HYOU1: variants seen among roughly 807,000 people sequenced by gnomAD.
The protein encoded by HYOU1 is hypoxia up-regulated protein 1.
A neutral mutation model predicts 120.5 loss-of-function variants in HYOU1; 40 were observed. That is an observed-to-expected ratio of 0.33 (90% CI 0.26 to 0.43). The LOEUF (loss-of-function observed/expected upper bound fraction) is 0.43, where lower values mean the gene tolerates loss of function less well. Among genes scored for constraint, HYOU1 ranks in the 20% least tolerant of loss-of-function variants. The probability of loss-of-function intolerance (pLI) is 1.00; values close to 1 mark genes in which losing one functional copy is unlikely to be tolerated. For synonymous variants in HYOU1, 501 were observed against 479.4 expected (o/e 1.05, Z -0.59); for missense variants, 1,085 against 1,278.3 (o/e 0.85, Z 2.31).
At position 119,051,928 on chromosome 11, in the gene HYOU1, T is replaced by C. The variant is rs2133588942; in HGVS notation, c.1229A>G (p.Asn410Ser). 4 of 1,614,140 alleles carry C rather than the reference T, an allele frequency of 2.5e-6. No individual in the cohort carries two copies. Among genetic ancestry groups the C allele is most frequent in the South Asian group, 2.2e-5 (2 of 91,090 alleles). The part of the protein sequence containing the change: ...VGKEELGKNI[N>S]ADEAAAMGAV... ...CCCCATGGCGGCTGCTTCATCTGCA[T>C]TGATGTTCTTCCCCAGCTCCTCCCT... The change falls in exon 12 of 26, where the codon AAT (asparagine) becomes AGT (serine). Residue 410 changes from asparagine (N) to serine (S), a missense_variant. Around this residue, in one of 4 missense-constraint regions of HYOU1, gnomAD observed 515 missense variants for 677.8 expected, o/e 0.76. Transcript: ENST00000617285. The surrounding 1 kb of genome is among the most constrained non-coding windows in gnomAD (Gnocchi z 4.2).
intron 7 of HYOU1, 122 bp downstream of exon 7, chr11:119,054,372 G>A: frequency 1.7e-6 from 2 of 1,198,854 alleles, no homozygotes; most frequent in Non-Finnish European, 2.4e-6. Context: ...CTGGGAGGAG[G>A]CTATTGGTGC....
chr11:119,054,201 G>A lies in HYOU1; in HGVS notation c.714C>T (p.Thr238=), dbSNP rs2133603460. The change falls in exon 8 of 26, where the codon ACC becomes ACT. Residue 238 remains threonine, a synonymous_variant. Transcript: ENST00000617285. Reference sequence around the variant, plus strand: ...TCTGGTAGGTCACAATGGTGCATACGGTGCTGCCTGAGCCCATGTCATAGA... The same window carrying A: ...TCTGGTAGGTCACAATGGTGCATACAGTGCTGCCTGAGCCCATGTCATAGA... ...IMFYDMGSGS[T]VCTIVTYQMV... is the part of the protein sequence containing the mutation. 5 of 1,613,812 alleles carry A rather than the reference G, an allele frequency of 3.1e-6. No homozygotes were observed. Among genetic ancestry groups the A allele is most frequent in the Non-Finnish European group, 4.2e-6 (5 of 1,179,842 alleles).
At position 119,051,776 on chromosome 11, in the gene HYOU1, G is replaced by T. The variant is rs2133587708; in HGVS notation, c.1338+43C>A. On this transcript the variant is annotated intron_variant, in intron 12 of 25. Coordinates refer to ENST00000617285, the MANE Select transcript of HYOU1 (RefSeq NM_006389.5). The surrounding 1 kb of genome is among the most constrained non-coding windows in gnomAD (Gnocchi z 4.2). ...ACAGAAGGGGAAACCCTACTTGGGA[G>T]AGGTAAAGGGAGCTTGTCACCTGCT... The T allele has an allele frequency of 1.2e-6, 2 of 1,610,024 alleles. No homozygotes were observed. Among genetic ancestry groups the T allele is most frequent in the East Asian group, 4.5e-5 (2 of 44,746 alleles).
Position 119,048,657 on chromosome 11 carries a change from A to T in HYOU1, c.2165+57T>A. On this transcript the variant is annotated intron_variant, in intron 18 of 25. Transcript: ENST00000617285. The surrounding 1 kb of genome is among the most constrained non-coding windows in gnomAD (Gnocchi z 4.7). ...GCCCTCCCTCCCAGGGCGCCATCCCACATCCTGCCCACCTTGCACACACAT... is the reference window on the plus strand; with the variant it reads ...GCCCTCCCTCCCAGGGCGCCATCCCTCATCCTGCCCACCTTGCACACACAT... 6.2e-7 allele frequency: 1 copy of T among 1,607,118 alleles called. No individual in the cohort carries two copies. Among genetic ancestry groups the T allele is most frequent in the Non-Finnish European group, 8.5e-7 (1 of 1,176,134 alleles).
chr11:119,045,231 C>T lies in HYOU1; in HGVS notation c.*362G>A, dbSNP rs1462620491. On this transcript the variant is annotated 3_prime_UTR_variant, in exon 26 of 26. Coordinates refer to ENST00000617285, the MANE Select transcript of HYOU1 (RefSeq NM_006389.5). ...TCACCAGAGAAGAGTGGAAACTCCC[C>T]AGCAACCTGATACCCTTCCCATCAC... The T allele has an allele frequency of 1.3e-5, 6 of 479,494 alleles. No individual in the cohort carries two copies. Among genetic ancestry groups the T allele is most frequent in the East Asian group, 6.0e-5 (1 of 16,712 alleles). The allele number at this position is 479,494 out of a possible 1,614,324, so 29.7% of individuals were successfully genotyped here.
At chr11:119,046,940 G>T in intron 22 of HYOU1, 138 bp from the exon 23 acceptor site, 1 of 1,112,878 alleles carries the variant, frequency 9.0e-7, no homozygotes, top group South Asian at 1.5e-5. Context: ...GCCCCAAGAG[G>T]CTAACAGACT....
Position 119,051,906 on chromosome 11 carries a change from C to T in HYOU1, c.1251G>A (p.Met417Ile), listed in dbSNP as rs2133588718. Reference sequence around the variant, plus strand: ...GCGCAGCTGCCTGGTACACTGCCCCCATGGCGGCTGCTTCATCTGCATTGA... The same window carrying T: ...GCGCAGCTGCCTGGTACACTGCCCCTATGGCGGCTGCTTCATCTGCATTGA... ...KNINADEAAAMGAVYQAAALS... is the reference protein window; with the variant it reads ...KNINADEAAAIGAVYQAAALS... The change falls in exon 12 of 26, where the codon ATG becomes ATA. Residue 417 changes from methionine to isoleucine, a missense_variant. By Grantham distance (10) the Met-to-Ile change is conservative. This residue lies in a region of HYOU1 where 515 missense variants were observed against 677.8 expected (regional missense o/e 0.76). Coordinates refer to ENST00000617285, the MANE Select transcript of HYOU1 (RefSeq NM_006389.5). This position sits in a 1 kb window ranked among gnomAD's most constrained non-coding sequence, Gnocchi z 4.2. The T allele has an allele frequency of 2.0e-5, 32 of 1,614,196 alleles. No homozygotes were observed. Among genetic ancestry groups the T allele is most frequent in the Non-Finnish European group, 2.6e-5 (31 of 1,180,030 alleles).
In HYOU1 at chr11:119,051,206, C is replaced by A. The variant is rs1944416651; in HGVS notation, c.1527-33G>T. The A allele has an allele frequency of 1.9e-6, 3 of 1,612,674 alleles. No individual in the cohort carries two copies. The highest frequency in any genetic ancestry group is 1.7e-5 in the Admixed American group (1 of 59,914). ...GGAAGGAAAGAGGAGTTCAGGGGGA[C>A]CCACCCCAGCCCATCTCGCCCTCTA... On this transcript the variant is annotated intron_variant, in intron 13 of 25. Transcript: ENST00000617285. This position sits in a 1 kb window ranked among gnomAD's most constrained non-coding sequence, Gnocchi z 4.2.
chr11:119,055,648 C>T lies in HYOU1; in HGVS notation c.186-77G>A. On this transcript the variant is annotated intron_variant, in intron 3 of 25. Transcript: ENST00000617285. This position sits in a 1 kb window ranked among gnomAD's most constrained non-coding sequence, Gnocchi z 4.0. ...GCCTCGACACTCACACACATTTAACCACTCAGATGCCGAAGTCTGCTGTGG... is the reference window on the plus strand; with the variant it reads ...GCCTCGACACTCACACACATTTAACTACTCAGATGCCGAAGTCTGCTGTGG... The T allele has an allele frequency of 6.7e-7, 1 of 1,500,410 alleles. No individual in the cohort carries two copies. Among genetic ancestry groups the T allele is most frequent in the South Asian group, 1.1e-5 (1 of 88,746 alleles). The allele number at this position is 1,500,410 out of a possible 1,614,324, so 92.9% of individuals were successfully genotyped here.
chr11:119,048,862 C>A lies in HYOU1; in HGVS notation c.2017G>T (p.Gly673Trp). Reference sequence around the variant, plus strand: ...GGGGCTGGAGCGACGCCCTCAGGCCCTGCCTCTGCCTTCTCACTTGGTTTC... The same window carrying A: ...GGGGCTGGAGCGACGCCCTCAGGCCATGCCTCTGCCTTCTCACTTGGTTTC... ...AQKPSEKAEA[G>W]PEGVAPAPEG... Residue 673 changes from glycine to tryptophan, a missense_variant, in exon 18 of 26, where the codon GGG (glycine) becomes TGG (tryptophan). Physicochemically the swap from Gly to Trp is radical, Grantham distance 184. This residue lies in a region of HYOU1 where 516 missense variants were observed against 517.1 expected (regional missense o/e 1.00). Transcript: ENST00000617285. The surrounding 1 kb of genome is among the most constrained non-coding windows in gnomAD (Gnocchi z 4.7). The A allele has an allele frequency of 6.2e-7, 1 of 1,608,942 alleles. No homozygotes were observed. Among genetic ancestry groups the A allele is most frequent in the Non-Finnish European group, 8.5e-7 (1 of 1,177,996 alleles).
chr11:119,049,442 T>C (rs1042299761), intron 16 of HYOU1, 114 bp downstream of exon 16: 18 of 1,564,660 alleles, frequency 1.2e-5, no homozygotes, highest in Non-Finnish European at 1.4e-5. Flanking sequence ...TCCTGGGGAG[T>C]GAATGGTTAA....
intron 24 of HYOU1, 88 bp downstream of exon 24, chr11:119,046,325 TGGGC>T: frequency 8.8e-7 from 1 of 1,135,720 alleles, no homozygotes; most frequent in South Asian, 1.3e-5. Context: ...TTCAAGCTCA[TGGGC>T]TGTCTAGAAA....
In HYOU1 at chr11:119,056,153, T is replaced by C. The variant is rs782521122; in HGVS notation, c.8A>G (p.Asp3Gly). The C allele has an allele frequency of 6.2e-7, 1 of 1,613,682 alleles. No homozygotes were observed. Among genetic ancestry groups the C allele is most frequent in the Non-Finnish European group, 8.5e-7 (1 of 1,179,842 alleles). Residue 3 changes from aspartate (D) to glycine (G), a missense_variant, in exon 2 of 26, where the codon GAC becomes GGC. Physicochemically the swap from Asp to Gly is moderately conservative, Grantham distance 94. Around this residue, in one of 4 missense-constraint regions of HYOU1, gnomAD observed 45 missense variants for 49.2 expected, o/e 0.91. Coordinates refer to ENST00000617285, the MANE Select transcript of HYOU1 (RefSeq NM_006389.5). The part of the protein sequence containing the change: MA[D>G]KVRRQRPRRR... ...CCTCGGCCTCTGCCTCCTAACTTTG[T>C]CTGCCATAGTGCCCCTGGGGGAGGC...
Position 119,052,681 on chromosome 11 carries a change from G to A in HYOU1, c.943C>T (p.Arg315Trp), listed in dbSNP as rs2133594637. 10 of 1,614,024 alleles carry A rather than the reference G, an allele frequency of 6.2e-6. 1 individual carries two copies. In the East Asian group the frequency reaches 6.7e-5, roughly 11 times the overall value. ...TTGGCACTGAGGACGGTTTTGAGCCGATTAGCCTCACGCAGCAGCTTGGCC... is the reference window on the plus strand; with the variant it reads ...TTGGCACTGAGGACGGTTTTGAGCCAATTAGCCTCACGCAGCAGCTTGGCC... The part of the protein sequence containing the change: ...AMAKLLREAN[R>W]LKTVLSANAD... The change falls in exon 9 of 26, where the codon CGG becomes TGG. Residue 315 changes from arginine (R) to tryptophan (W), a missense_variant. Physicochemically the swap from Arg to Trp is moderately radical, Grantham distance 101. Around this residue, in one of 4 missense-constraint regions of HYOU1, gnomAD observed 515 missense variants for 677.8 expected, o/e 0.76. Transcript: ENST00000617285. This position sits in a 1 kb window ranked among gnomAD's most constrained non-coding sequence, Gnocchi z 5.0.
chr11:119,056,178 CGAA>C lies in HYOU1; in HGVS notation c.-7-14_-7-12del. Reference sequence around the variant, plus strand: ...TCTGCCATAGTGCCCCTGGGGGAGGCGAAGAAAGAAAACACTTAAAACTGGATA... The same window carrying C: ...TCTGCCATAGTGCCCCTGGGGGAGGCGAAAGAAAACACTTAAAACTGGATA... On this transcript the variant is annotated splice_polypyrimidine_tract_variant and intron_variant, in intron 1 of 25. Transcript: ENST00000617285. 1 of 1,600,930 alleles carries C rather than the reference CGAA, an allele frequency of 6.2e-7. No individual in the cohort carries two copies. Among genetic ancestry groups the C allele is most frequent in the Admixed American group, 1.7e-5 (1 of 59,974 alleles).
chr11:119,046,934 C>A, intron 22 of HYOU1, 132 bp from the exon 23 acceptor site: 4 of 1,210,060 alleles, frequency 3.3e-6, no homozygotes, highest in Middle Eastern at 2.9e-4. Flanking sequence ...GCCTCAGCCC[C>A]AAGAGGCTAA....
intron 15 of HYOU1, 68 bp from the exon 16 acceptor site, chr11:119,049,703 G>A (rs1944304728): frequency 6.2e-7 from 1 of 1,606,240 alleles, no homozygotes; most frequent in Admixed American, 1.7e-5. Context: ...TAACCCAAGG[G>A]CCATGCCCTG....
chr11:119,051,792 GTCA>G lies in HYOU1; in HGVS notation c.1338+24_1338+26del. 6.2e-7 allele frequency: 1 copy of G among 1,613,278 alleles called. No individual in the cohort carries two copies. The highest frequency in any genetic ancestry group is 8.5e-7 in the Non-Finnish European group (1 of 1,179,254). On this transcript the variant is annotated intron_variant, in intron 12 of 25. Transcript: ENST00000617285. This position sits in a 1 kb window ranked among gnomAD's most constrained non-coding sequence, Gnocchi z 4.2. ...TACTTGGGAGAGGTAAAGGGAGCTT[GTCA>G]CCTGCTCAGTCAGGCTCACTCACCA... is the stretch of plus-strand genomic sequence containing the variant.
intron 6 of HYOU1, 84 bp from the exon 7 acceptor site, chr11:119,054,759 C>G (rs143535056): frequency 1.4e-6 from 2 of 1,401,538 alleles, no homozygotes; most frequent in Non-Finnish European, 2.0e-6. Context: ...ACATTTTGGA[C>G]TAGGTAATTC....
Sources: allele counts gnomAD v4.1 joint callset, GRCh38; gene constraint gnomAD v4.1.1; regional missense constraint gnomAD v4.1.1; non-coding constraint Gnocchi (gnomAD v3.1); transcripts MANE v1.5; gene names NCBI Gene and HGNC (gene_info 2026-07-23, HGNC 2026-07-21).